The following PCDHA1 variants were observed in gnomAD, a reference collection of about 807,000 sequenced individuals.
The protein encoded by PCDHA1 is protocadherin alpha 1, also known as protocadherin alpha-1.
A neutral mutation model predicts 61.3 loss-of-function variants in PCDHA1; 42 were observed. That is an observed-to-expected ratio of 0.69 (90% CI 0.54 to 0.89). PCDHA1 has a LOEUF of 0.89. Among genes scored for constraint, PCDHA1 ranks in the 40% least tolerant of loss-of-function variants. PCDHA1 has a pLI of 0.00. For missense variants in PCDHA1, 1,256 were observed against 1,235.3 expected, an observed-to-expected ratio of 1.02 and a Z score of -0.25; for synonymous variants, 610 against 553.8, an observed-to-expected ratio of 1.10 and a Z score of -1.43.
In PCDHA1 at chr5:140,906,646, G is replaced by T. The variant is rs1473127161; in HGVS notation, c.2395-72303G>T. On this transcript the variant is annotated intron_variant, in intron 1 of 3. Coordinates refer to ENST00000504120, the MANE Select transcript of PCDHA1 (RefSeq NM_018900.4). ...TCAGCAAGCACCTCAGCAGGTAGTG[G>T]TTTTTTCCTGGTGTAGTGACCCAAA... Among the ~76,000 whole-genome samples the T allele has an allele frequency of 2.0e-5, 3 of 152,192 alleles. No individual in the cohort carries two copies. In the East Asian group the frequency reaches 5.8e-4, roughly 29 times the overall value.
At chr5:140,882,699 A>C in intron 1 of PCDHA1, 3 of 1,614,184 alleles carry the variant, frequency 1.9e-6, no homozygotes, top group South Asian at 1.1e-5. Context: ...ATCATTGCAG[A>C]ATCTAGACCT....
chr5:140,797,798 T>C (rs1183383060), intron 1 of PCDHA1, among the ~76,000 whole-genome samples: 1 of 152,224 alleles, frequency 6.6e-6, no homozygotes, highest in Non-Finnish European at 1.5e-5. Context: ...CTTAGATTGT[T>C]CTTTGGATCA....
At chr5:140,838,077 AGTGTGTGTGTGTGTGTGTGT>A (rs57130401) in intron 1 of PCDHA1, among the ~76,000 whole-genome samples, 40 of 80,696 alleles carry the variant, frequency 5.0e-4, no homozygotes, top group Middle Eastern at 0.015. Flanking sequence ...ATATATATAT[AGTGTGTGTGTGTGTGTGTGT>A]GTGTGTGTGT....
At chr5:140,876,625 G>A (rs2056468121) in intron 1 of PCDHA1, 1 of 1,614,192 alleles carries the variant, frequency 6.2e-7, no homozygotes. Context: ...CAATGGACAG[G>A]TCATCTGCTC....
intron 1 of PCDHA1, among the ~76,000 whole-genome samples, chr5:140,952,990 G>T (rs1218296143): frequency 6.6e-6 from 1 of 152,042 alleles, no homozygotes; most frequent in Non-Finnish European, 1.5e-5. Context: ...GATCTCATGA[G>T]AACTCTCTCA....
intron 1 of PCDHA1, among the ~76,000 whole-genome samples, chr5:140,891,792 G>A (rs2063250974): frequency 6.6e-6 from 1 of 152,152 alleles, no homozygotes; most frequent in Non-Finnish European, 1.5e-5. Flanking sequence ...TAGATTATGA[G>A]GGATCTGCCC....
chr5:140,876,875 A>G, intron 1 of PCDHA1: 1 of 1,613,762 alleles, frequency 6.2e-7, no homozygotes, highest in Admixed American at 1.7e-5. Flanking sequence ...AAGGAGAACA[A>G]CCCGCCGGGC....
chr5:140,928,122 A>G (rs1554205517), intron 1 of PCDHA1: 14 of 1,614,078 alleles, frequency 8.7e-6, no homozygotes, highest in Non-Finnish European at 1.2e-5. Context: ...AGATCAGTGA[A>G]TACCAAGTCC....
chr5:140,966,402 G>A (rs1554228257), intron 1 of PCDHA1: 4 of 404,514 alleles, frequency 9.9e-6, no homozygotes, highest in African/African-American at 8.2e-5. Context: ...ACTTCGGCGC[G>A]GAATCAGAGC....
chr5:140,866,472 CT>C (rs2049389020), intron 1 of PCDHA1: 2 of 152,112 alleles, frequency 1.3e-5, no homozygotes, highest in Non-Finnish European at 2.9e-5. Flanking sequence ...CTCATAACAA[CT>C]GACAAATGAT....
chr5:140,881,023 A>T (rs1338073910), intron 1 of PCDHA1, among the ~76,000 whole-genome samples: 2 of 152,240 alleles, frequency 1.3e-5, no homozygotes, highest in Admixed American at 1.3e-4. Flanking sequence ...AAATAAACCC[A>T]ACAGTCATTT....
chr5:140,842,993 G>A (rs2150349485), intron 1 of PCDHA1: 1 of 1,595,046 alleles, frequency 6.3e-7, no homozygotes. Context: ...CGTGCTGGAC[G>A]AGAATGACAA....
Position 140,843,346 on chromosome 5 carries a change from TC to T in PCDHA1, c.2394+54664del, listed in dbSNP as rs1554139985. 10 of 1,595,966 alleles carry T rather than the reference TC, an allele frequency of 6.3e-6. 1 individual carries two copies. In the Middle Eastern group the frequency reaches 5.0e-4, roughly 80 times the overall value. On this transcript the variant is annotated intron_variant, in intron 1 of 3. Coordinates refer to ENST00000504120, the MANE Select transcript of PCDHA1 (RefSeq NM_018900.4). ...TGTCGCTGGTGGAGAGCGGCCAGGC[TC>T]CAAAAGCGTCATCGAGGCAGTCGGC... is the stretch of plus-strand genomic sequence containing the variant.
At chr5:140,807,284 T>C in intron 1 of PCDHA1, 1 of 1,614,248 alleles carries the variant, frequency 6.2e-7, no homozygotes, top group Non-Finnish European at 8.5e-7. Context: ...TCAGCTCCAC[T>C]ACTCGGTCTC....
At chr5:140,967,060 G>A in intron 1 of PCDHA1, 1 of 1,612,802 alleles carries the variant, frequency 6.2e-7, no homozygotes, top group Non-Finnish European at 8.5e-7. Flanking sequence ...CGAGTGGAGC[G>A]CTCTTCGTCA....
rs141936897 is a variant in PCDHA1 at position 140,786,612 on chromosome 5, T to A, written c.322T>A (p.Leu108Met). Residue 108 changes from leucine to methionine, a missense_variant, in exon 1 of 4, where the codon TTG (leucine) becomes ATG (methionine). Leu to Met is a conservative substitution (Grantham distance 15). Transcript: ENST00000504120. ...WSAECSIHLE[L>M]IADRPLQVFH... Reference sequence around the variant, plus strand: ...CGCGGAGTGCAGCATCCACCTGGAGTTGATCGCCGACAGGCCGCTGCAGGT... The same window carrying A: ...CGCGGAGTGCAGCATCCACCTGGAGATGATCGCCGACAGGCCGCTGCAGGT... 3.1e-6 allele frequency: 5 copies of A among 1,614,046 alleles called. No individual in the cohort carries two copies. Among genetic ancestry groups the A allele is most frequent in the South Asian group, 1.1e-5 (1 of 91,078 alleles).
chr5:140,997,349 G>A (rs954510019), intron 3 of PCDHA1, among the ~76,000 whole-genome samples: 3 of 152,256 alleles, frequency 2.0e-5, no homozygotes, highest in South Asian at 2.1e-4. Context: ...ATCATAGAAT[G>A]TACTTACATA....
At chr5:140,857,365 C>A (rs251362) in intron 1 of PCDHA1, 1 of 1,597,496 alleles carries the variant, frequency 6.3e-7, no homozygotes, top group South Asian at 1.1e-5. Context: ...CCACGGCCAG[C>A]GTGTCTGTGG....
In PCDHA1 at chr5:140,828,897, G is replaced by A. The variant is rs2150160377; in HGVS notation, c.2394+40213G>A. 12 of 1,613,934 alleles carry A rather than the reference G, an allele frequency of 7.4e-6. No individual in the cohort carries two copies. The Admixed American group carries it at 2.0e-4, about 27-fold the overall frequency. ...GTTATCAGACTGAATGCTTCTGATC[G>A]GGATGAAGGAGCGAATGGGGCAATT... On this transcript the variant is annotated intron_variant, in intron 1 of 3. Coordinates refer to ENST00000504120, the MANE Select transcript of PCDHA1 (RefSeq NM_018900.4).
Sources: gnomAD v4.1 joint callset for allele counts (sites outside exome capture counted in the v4.1 genomes callset) on GRCh38, gnomAD v4.1.1 for gene constraint, MANE v1.5 for transcripts, NCBI Gene and HGNC (gene_info 2026-07-23, HGNC 2026-07-21) for gene names.